The following DSCAML1 variants were observed in gnomAD, a reference collection of about 807,000 sequenced individuals.
DSCAML1 encodes the protein DS cell adhesion molecule like 1.
In DSCAML1, 38 loss-of-function variants were observed where a neutral mutation model predicts 200.5. The observed-to-expected ratio is 0.19, with a 90% CI of 0.15 to 0.25. DSCAML1 has a LOEUF of 0.25. Ranked by LOEUF, DSCAML1 falls within the 10% of genes least tolerant of loss-of-function variation. The pLI is 1.00. For synonymous variants in DSCAML1, 1,215 were observed against 1,165.0 expected (o/e 1.04, Z -0.87); for missense variants, 2,223 against 2,858.8 (o/e 0.78, Z 5.07).
At chr11:117,576,735 TC>T (rs1417038003) in intron 3 of DSCAML1, among the ~76,000 whole-genome samples, 5 of 152,140 alleles carry the variant, frequency 3.3e-5, no homozygotes, top group African/African-American at 9.7e-5. Context: ...AGCTTTTGCC[TC>T]CTGAGCATGT....
intron 3 of DSCAML1, among the ~76,000 whole-genome samples, chr11:117,594,079 G>C (rs1271192255): frequency 2.0e-5 from 3 of 152,130 alleles, no homozygotes; most frequent in Non-Finnish European, 2.9e-5. Context: ...TGGTTATCTA[G>C]GGAAGTAAAC....
At chr11:117,441,949 TC>T (rs1199374364) in intron 21 of DSCAML1, among the ~76,000 whole-genome samples, 3 of 152,100 alleles carry the variant, frequency 2.0e-5, no homozygotes, top group African/African-American at 7.2e-5. Flanking sequence ...TGGGGTTGGC[TC>T]CCTGAATCTG....
At chr11:117,753,605 G>A (rs1345233824) in intron 3 of DSCAML1, among the ~76,000 whole-genome samples, 1 of 152,214 alleles carries the variant, frequency 6.6e-6, no homozygotes, top group African/African-American at 2.4e-5. Flanking sequence ...CATAACATGA[G>A]CTGATGTAGG....
chr11:117,544,788 TCC>T (rs1412934105), intron 3 of DSCAML1, among the ~76,000 whole-genome samples: 1 of 152,196 alleles, frequency 6.6e-6, no homozygotes, highest in Non-Finnish European at 1.5e-5. Context: ...TTTTAGATCC[TCC>T]TTGTTTTGGA....
At chr11:117,664,098 C>G (rs541907647) in intron 3 of DSCAML1, among the ~76,000 whole-genome samples, 3 of 152,322 alleles carry the variant, frequency 2.0e-5, no homozygotes, top group Non-Finnish European at 4.4e-5. Context: ...GGGCGTAGTT[C>G]CAGGATGCTG....
intron 3 of DSCAML1, among the ~76,000 whole-genome samples, chr11:117,541,914 C>T (rs1017732606): frequency 6.6e-5 from 10 of 152,240 alleles, no homozygotes; most frequent in African/African-American, 1.7e-4. Flanking sequence ...ATGCTACCCC[C>T]AGCCCGAAGA....
At chr11:117,777,853 T>C (rs546268211) in intron 2 of DSCAML1, among the ~76,000 whole-genome samples, 1 of 152,278 alleles carries the variant, frequency 6.6e-6, no homozygotes, top group East Asian at 1.9e-4. Flanking sequence ...CTCTGCCTTG[T>C]CCTCCTCTGT....
intron 3 of DSCAML1, among the ~76,000 whole-genome samples, chr11:117,748,247 C>T (rs2054549163): frequency 6.6e-6 from 1 of 152,238 alleles, no homozygotes; most frequent in Non-Finnish European, 1.5e-5. Context: ...CTGCCCTGGA[C>T]ACACTCCGTA....
chr11:117,433,545 G>A (rs2047848117), intron 27 of DSCAML1, 74 bp from the exon 28 acceptor site: 2 of 1,531,052 alleles, frequency 1.3e-6, no homozygotes, highest in Admixed American at 1.9e-5. Context: ...GAGAGGCATG[G>A]GAAACAAGGT....
intron 3 of DSCAML1, among the ~76,000 whole-genome samples, chr11:117,577,560 T>C (rs1187585799): frequency 3.0e-5 from 4 of 131,552 alleles, no homozygotes; most frequent in African/African-American, 5.9e-5. Flanking sequence ...CCCTCCCTCC[T>C]TCCTTCTTTC....
At chr11:117,512,930 A>C (rs1012508919) in intron 8 of DSCAML1, among the ~76,000 whole-genome samples, 1 of 151,614 alleles carries the variant, frequency 6.6e-6, no homozygotes, top group African/African-American at 2.4e-5. Context: ...AGGACTGATC[A>C]CTCCCTGAAT....
intron 4 of DSCAML1, among the ~76,000 whole-genome samples, chr11:117,526,291 C>T (rs2049978556): frequency 6.6e-6 from 1 of 152,162 alleles, no homozygotes; most frequent in South Asian, 2.1e-4. Context: ...TCGGCCTGGC[C>T]TGCCTACACT....
intron 3 of DSCAML1, among the ~76,000 whole-genome samples, chr11:117,706,670 A>G (rs1306298762): frequency 3.9e-5 from 6 of 152,182 alleles, no homozygotes; most frequent in Non-Finnish European, 7.4e-5. Context: ...TTGGGGAGGA[A>G]GGAGGCCTAG....
intron 3 of DSCAML1, among the ~76,000 whole-genome samples, chr11:117,674,231 T>C (rs2053166072): frequency 6.6e-6 from 1 of 152,210 alleles, no homozygotes; most frequent in African/African-American, 2.4e-5. Context: ...GCCTGGCAGG[T>C]GCTGTGGATA....
rs2055005643 is a variant in DSCAML1, at chr11:117,769,793, C to T, written c.511+6998G>A. Among the ~76,000 whole-genome samples, 3 of 151,538 alleles carry T rather than the reference C, an allele frequency of 2.0e-5. No individual in the cohort carries two copies. In the South Asian group the frequency reaches 6.2e-4, roughly 31 times the overall value. ...TCTTCAGATTGCTGAGAAGGTGAAA[C>T]AAGCTAAATATGTCAAACGCTTAGA... is the stretch of plus-strand genomic sequence containing the variant. On this transcript the variant is annotated intron_variant, in intron 3 of 32. Transcript: ENST00000651296.
chr11:117,807,669 T>G (rs1336440824), intron 1 of DSCAML1, among the ~76,000 whole-genome samples: 1 of 152,140 alleles, frequency 6.6e-6, no homozygotes, highest in Non-Finnish European at 1.5e-5. Context: ...GGCCAGCAGG[T>G]GTCGCCCAAA....
At chr11:117,477,349 AGTGTGTGTGTGTGTGTGTGT>A (rs5795087) in intron 14 of DSCAML1, among the ~76,000 whole-genome samples, 33 of 140,216 alleles carry the variant, frequency 2.4e-4, no homozygotes, top group African/African-American at 5.8e-4. Context: ...TGGTTCTGAA[AGTGTGTGTGTGTGTGTGTGT>A]GTGTGTGTGT....
chr11:117,655,265 G>T (rs1941389), intron 3 of DSCAML1, among the ~76,000 whole-genome samples: 2 of 152,346 alleles, frequency 1.3e-5, no homozygotes, highest in Admixed American at 6.5e-5. Flanking sequence ...AGGCAGAAGA[G>T]GGCTGGCTAT....
At chr11:117,640,702 C>T (rs1350983973) in intron 3 of DSCAML1, among the ~76,000 whole-genome samples, 1 of 152,178 alleles carries the variant, frequency 6.6e-6, no homozygotes, top group Non-Finnish European at 1.5e-5. Flanking sequence ...TGCTTGCAAA[C>T]GCCTCTTCCC....
Sources: gnomAD v4.1 joint callset for allele counts (sites outside exome capture counted in the v4.1 genomes callset) on GRCh38, gnomAD v4.1.1 for gene constraint, MANE v1.5 for transcripts, NCBI Gene and HGNC (gene_info 2026-07-23, HGNC 2026-07-21) for gene names.